The following TENM3 variants were observed in gnomAD, a reference collection of about 807,000 sequenced individuals.
The protein encoded by TENM3 is teneurin-3.
A neutral mutation model predicts 255.1 loss-of-function variants in TENM3; 63 were observed. That is an observed-to-expected ratio of 0.25 (90% CI 0.20 to 0.30). The LOEUF (loss-of-function observed/expected upper bound fraction) is 0.30, where lower values mean the gene tolerates loss of function less well. Ranked by LOEUF, TENM3 falls within the 10% of genes least tolerant of loss-of-function variation. The pLI is 1.00. For synonymous variants in TENM3, 1,306 were observed against 1,322.3 expected, an observed-to-expected ratio of 0.99 and a Z score of 0.27; for missense variants, 2,929 against 3,461.1, an observed-to-expected ratio of 0.85 and a Z score of 3.86.
the TENM3 span, among the ~76,000 whole-genome samples, chr4:181,526,710 TTATAAC>T: frequency 3.3e-5 from 5 of 152,140 alleles, no homozygotes; most frequent in East Asian, 1.9e-4. Context: ...AATTGGGACT[TTATAAC>T]TATAGGATTG....
chr4:181,997,178 G>A, the TENM3 span, among the ~76,000 whole-genome samples: 5 of 152,060 alleles, frequency 3.3e-5, no homozygotes, highest in Admixed American at 6.6e-5. Context: ...CAGACATCAT[G>A]GACTTTCTAA....
chr4:182,511,057 G>A (rs1465226415), intron 3 of TENM3, among the ~76,000 whole-genome samples: 2 of 152,168 alleles, frequency 1.3e-5, no homozygotes, highest in African/African-American at 4.8e-5. Flanking sequence ...TGTGTGCATA[G>A]CATCCATTTG....
At chr4:181,993,498 A>G in the TENM3 span, among the ~76,000 whole-genome samples, 1 of 152,178 alleles carries the variant, frequency 6.6e-6, no homozygotes, top group Non-Finnish European at 1.5e-5. Flanking sequence ...TGCTGTGGCG[A>G]GGCATTTTTG....
chr4:181,661,427 T>C, the TENM3 span, among the ~76,000 whole-genome samples: 2 of 152,182 alleles, frequency 1.3e-5, no homozygotes, highest in East Asian at 3.8e-4. Flanking sequence ...TTGACTAAAT[T>C]CCATTTAAAT....
the TENM3 span, among the ~76,000 whole-genome samples, chr4:181,741,964 C>T: frequency 2.0e-5 from 3 of 152,192 alleles, no homozygotes; most frequent in African/African-American, 7.2e-5. Flanking sequence ...CTTCTCTGCA[C>T]TTCAAATCAG....
the TENM3 span, among the ~76,000 whole-genome samples, chr4:181,693,378 C>T: frequency 1.3e-5 from 2 of 152,150 alleles, no homozygotes; most frequent in Non-Finnish European, 2.9e-5. Context: ...TCAGATCCAT[C>T]ACCCATAATT....
the TENM3 span, among the ~76,000 whole-genome samples, chr4:181,600,287 C>T: frequency 1.2e-4 from 18 of 152,148 alleles, no homozygotes; most frequent in Admixed American, 1.2e-3. Context: ...TTCTGATTGA[C>T]ACAGACCTAC....
At chr4:182,713,989 A>T in intron 12 of TENM3, 98 bp from the exon 13 acceptor site, 1 of 933,844 alleles carries the variant, frequency 1.1e-6, no homozygotes. Flanking sequence ...TGTGCTGTTT[A>T]TAAAGGCCTG....
chr4:181,735,974 G>A, the TENM3 span, among the ~76,000 whole-genome samples: 3 of 152,136 alleles, frequency 2.0e-5, no homozygotes, highest in Admixed American at 2.0e-4. Flanking sequence ...CTAATTTAAT[G>A]TCTATCTTTT....
chr4:181,844,623 A>G, the TENM3 span, among the ~76,000 whole-genome samples: 688 of 152,010 alleles, frequency 4.5e-3, 2 homozygotes, highest in South Asian at 7.3e-3. Flanking sequence ...AGCTGAGATC[A>G]CACCACTGCA....
At chr4:181,948,637 C>G in the TENM3 span, among the ~76,000 whole-genome samples, 2 of 152,068 alleles carry the variant, frequency 1.3e-5, no homozygotes, top group Non-Finnish European at 2.9e-5. Context: ...AGGCTGATCT[C>G]GAACTCCTGA....
chr4:181,513,766 TC>T, the TENM3 span, among the ~76,000 whole-genome samples: 1 of 152,204 alleles, frequency 6.6e-6, no homozygotes, highest in East Asian at 1.9e-4. Flanking sequence ...CTGCATCTAA[TC>T]CTGTCGCTTG....
At chr4:182,088,192 G>A in the TENM3 span, among the ~76,000 whole-genome samples, 1 of 152,186 alleles carries the variant, frequency 6.6e-6, no homozygotes, top group Non-Finnish European at 1.5e-5. Context: ...GCTAGATATT[G>A]AATACTTTAA....
At chr4:182,157,936 T>C (rs1217757189) in intron 1 of TENM3, among the ~76,000 whole-genome samples, 2 of 152,236 alleles carry the variant, frequency 1.3e-5, no homozygotes, top group African/African-American at 4.8e-5. Flanking sequence ...ATGCGTCCTC[T>C]CATATTTCTT....
chr4:181,935,814 C>T, the TENM3 span, among the ~76,000 whole-genome samples: 56 of 152,280 alleles, frequency 3.7e-4, no homozygotes, highest in African/African-American at 1.2e-3. Flanking sequence ...CGCACTCTAC[C>T]GACATCGGGC....
At chr4:181,699,742 G>A in the TENM3 span, among the ~76,000 whole-genome samples, 2 of 152,132 alleles carry the variant, frequency 1.3e-5, no homozygotes, top group East Asian at 3.9e-4. Flanking sequence ...AATCTGTACA[G>A]AAAGTATTTG....
chr4:182,296,582 C>A (rs1204122443), intron 1 of TENM3, among the ~76,000 whole-genome samples: 1 of 152,266 alleles, frequency 6.6e-6, no homozygotes, highest in East Asian at 1.9e-4. Flanking sequence ...ATTAAGGTTT[C>A]TAGATTGCAT....
At chr4:181,522,998 T>C in the TENM3 span, 23 of 648,940 alleles carry the variant, frequency 3.5e-5, no homozygotes, top group South Asian at 3.2e-4. Context: ...GGGAACTCAA[T>C]GCATCAGTCC....
chr4:182,294,584 T>C (rs1349411853), intron 1 of TENM3, among the ~76,000 whole-genome samples: 1 of 152,162 alleles, frequency 6.6e-6, no homozygotes, highest in Non-Finnish European at 1.5e-5. Flanking sequence ...TGTGAAGAGA[T>C]AGAAAGGCTG....
Sources: gnomAD v4.1 joint callset for allele counts (sites outside exome capture counted in the v4.1 genomes callset) on GRCh38, gnomAD v4.1.1 for gene constraint, MANE v1.5 for transcripts, NCBI Gene and HGNC (gene_info 2026-07-23, HGNC 2026-07-21) for gene names.